Variants in LYRM4 observed in about 807,000 individuals in gnomAD.
The protein encoded by LYRM4 is LYR motif containing 4, also known as LYR motif-containing protein 4.
Under a neutral mutation model 11.7 loss-of-function variants are expected in LYRM4, and 9 were observed. The observed-to-expected ratio is 0.77, with a 90% CI of 0.46 to 1.34. The LOEUF is 1.34. Among genes scored for constraint, LYRM4 ranks in the 40% most tolerant of loss-of-function variants. LYRM4 has a pLI of 0.00. For missense variants in LYRM4, 133 were observed against 112.5 expected (o/e 1.18, Z -0.82); for synonymous variants, 42 against 40.4 (o/e 1.04, Z -0.15).
At chr6:5,205,627 A>T (rs937581798) in intron 2 of LYRM4, among the ~76,000 whole-genome samples, 5 of 152,266 alleles carry the variant, frequency 3.3e-5, no homozygotes, top group African/African-American at 1.2e-4. Flanking sequence ...TACAGACAGC[A>T]GTGAGCTTCA....
At chr6:5,107,528 C>G (rs12198416), downstream of LYRM4, 19 of 152,270 alleles carry the variant, frequency 1.2e-4, no homozygotes, top group Non-Finnish European at 2.5e-4. Flanking sequence ...CAGGGCTGGG[C>G]TGGGCGGCTC....
intron 2 of LYRM4, among the ~76,000 whole-genome samples, chr6:5,176,069 T>C (rs1250432010): frequency 7.1e-6 from 1 of 141,340 alleles, no homozygotes; most frequent in Non-Finnish European, 1.5e-5. Flanking sequence ...CGCTATTAAT[T>C]TTTTTTTTTT....
At chr6:5,060,071 G>A in the LYRM4 span, among the ~76,000 whole-genome samples, 1 of 152,192 alleles carries the variant, frequency 6.6e-6, no homozygotes, top group African/African-American at 2.4e-5. Context: ...ATAATATATT[G>A]AACTTGTCCC....
chr6:5,045,749 G>T, the LYRM4 span, among the ~76,000 whole-genome samples: 2 of 152,158 alleles, frequency 1.3e-5, no homozygotes, highest in Non-Finnish European at 2.9e-5. Flanking sequence ...GAACTCAAAT[G>T]GGAAATGATG....
At chr6:5,044,287 C>T in the LYRM4 span, among the ~76,000 whole-genome samples, 5 of 151,854 alleles carry the variant, frequency 3.3e-5, no homozygotes, top group Middle Eastern at 3.4e-3. Flanking sequence ...CACACCACCA[C>T]GCCTGGTTAA....
intron 1 of LYRM4, among the ~76,000 whole-genome samples, chr6:5,255,035 C>G (rs941196600): frequency 2.0e-5 from 3 of 152,172 alleles, no homozygotes; most frequent in Non-Finnish European, 4.4e-5. Context: ...ACATTGCCCT[C>G]TTTATGAACT....
intron 2 of LYRM4, among the ~76,000 whole-genome samples, chr6:5,189,624 C>T (rs1389136593): frequency 1.3e-5 from 2 of 152,164 alleles, no homozygotes; most frequent in East Asian, 3.8e-4. Context: ...GTGCCTAAGA[C>T]AGGAAAATTA....
At chr6:5,071,872 T>A in the LYRM4 span, among the ~76,000 whole-genome samples, 48 of 152,152 alleles carry the variant, frequency 3.2e-4, no homozygotes, top group Non-Finnish European at 7.4e-5. Flanking sequence ...CTCGAACTCC[T>A]GACCTCAAGT....
At chr6:5,094,691 T>C in the LYRM4 span, among the ~76,000 whole-genome samples, 1 of 152,194 alleles carries the variant, frequency 6.6e-6, no homozygotes, top group Admixed American at 6.5e-5. Flanking sequence ...AAAATGTCTG[T>C]TCAATTCTGA....
At chr6:5,143,204 G>A (rs938470304) in intron 2 of LYRM4, among the ~76,000 whole-genome samples, 11 of 152,134 alleles carry the variant, frequency 7.2e-5, no homozygotes, top group African/African-American at 2.2e-4. Context: ...CACCACAAGC[G>A]GATCTTCTGT....
chr6:5,112,238 C>T (rs1179410454), intron 2 of LYRM4, among the ~76,000 whole-genome samples: 1 of 152,204 alleles, frequency 6.6e-6, no homozygotes, highest in African/African-American at 2.4e-5. Context: ...TCATGTGCTC[C>T]AGTTCATGTC....
chr6:5,038,756 G>A, the LYRM4 span, among the ~76,000 whole-genome samples: 5 of 55,848 alleles, frequency 9.0e-5, 2 homozygotes, highest in Non-Finnish European at 8.3e-5. Context: ...GCGTGGCGGT[G>A]TGCGCAGGCA....
intron 2 of LYRM4, among the ~76,000 whole-genome samples, chr6:5,203,074 A>G (rs1761481132): frequency 6.6e-6 from 1 of 152,210 alleles, no homozygotes; most frequent in Admixed American, 6.5e-5. Flanking sequence ...GAACATGCAC[A>G]CGTGAAATCT....
the LYRM4 span, chr6:5,066,943 G>T: frequency 1.8e-6 from 2 of 1,100,082 alleles, no homozygotes; most frequent in Non-Finnish European, 2.5e-6. Context: ...AAGGCGGAGA[G>T]CCTCAGCCGA....
At chr6:5,032,703 G>A in the LYRM4 span, 1 of 152,206 alleles carries the variant, frequency 6.6e-6, no homozygotes, top group Admixed American at 6.5e-5. Flanking sequence ...GGAAGTCACA[G>A]TACAACTGAC....
rs1180593878 is a variant in LYRM4 at position 5,245,094 on chromosome 6, A to T, written c.86+15554T>A. Among the ~76,000 whole-genome samples, 238 of 25,240 alleles carry T rather than the reference A, an allele frequency of 9.4e-3. 26 individuals are homozygous for T. Among genetic ancestry groups the T allele is most frequent in the African/African-American group, 0.018 (84 of 4,672 alleles). The allele number at this position is 25,240 out of a possible 152,430, so 16.6% of individuals were successfully genotyped here. A position where few individuals can be genotyped will look rare whatever the true frequency, so the allele number is the denominator to read the frequency against. On this transcript the variant is annotated intron_variant, in intron 1 of 2. Coordinates refer to ENST00000330636, the MANE Select transcript of LYRM4 (RefSeq NM_020408.6). ...CTTTATTTGCAGGAAGACCTTAAAA[A>T]AAAAAAAAAAAAAAAAAAAATATAT...
chr6:5,186,983 TAA>T (rs34616988), intron 2 of LYRM4: 5,211 of 711,496 alleles, frequency 7.3e-3, no homozygotes, highest in South Asian at 8.4e-3. Context: ...GAGTCCATCT[TAA>T]AAAAAAAAAA....
At position 5,254,072 on chromosome 6, in the gene LYRM4, C is replaced by T. The variant is rs187126385; in HGVS notation, c.86+6576G>A. 2.6e-5 allele frequency among the ~76,000 whole-genome samples: 4 copies of T among 152,250 alleles called. No individual in the cohort carries two copies. The East Asian group carries it at 5.8e-4, about 22-fold the overall frequency. The stretch of plus-strand genomic sequence containing the variant: ...TGCTCCACTAGAGCTTCTTGAATCC[C>T]GGCAAAACTGTTTCATCTGAGAAGT... On this transcript the variant is annotated intron_variant, in intron 1 of 2. Coordinates refer to ENST00000330636, the MANE Select transcript of LYRM4 (RefSeq NM_020408.6).
intron 2 of LYRM4, among the ~76,000 whole-genome samples, chr6:5,166,819 CAG>C (rs1759114785): frequency 1.3e-5 from 2 of 152,196 alleles, no homozygotes; most frequent in African/African-American, 4.8e-5. Flanking sequence ...TTGAATTATT[CAG>C]AGTGTTTGAT....
Sources: gnomAD v4.1 joint callset for allele counts (sites outside exome capture counted in the v4.1 genomes callset) on GRCh38, gnomAD v4.1.1 for gene constraint, MANE v1.5 for transcripts, NCBI Gene and HGNC (gene_info 2026-07-23, HGNC 2026-07-21) for gene names.